The following CAMSAP2 variants were observed in gnomAD, a reference collection of about 807,000 sequenced individuals.
CAMSAP2 encodes the protein calmodulin regulated spectrin associated protein family member 2.
A neutral mutation model predicts 146.1 loss-of-function variants in CAMSAP2; 26 were observed. The ratio of observed to expected loss-of-function variants is 0.18; its 90% confidence interval spans 0.13 to 0.25. CAMSAP2 has a LOEUF of 0.25. CAMSAP2 is among the 10% of genes least tolerant of loss of function. The probability of loss-of-function intolerance (pLI) is 1.00; values close to 1 mark genes in which losing one functional copy is unlikely to be tolerated. For missense variants in CAMSAP2, 1,381 were observed against 1,759.3 expected (o/e 0.78, Z 3.85); for synonymous variants, 499 against 596.6 (o/e 0.84, Z 2.38).
intron 2 of CAMSAP2, among the ~76,000 whole-genome samples, chr1:200,793,726 A>C (rs899647953): frequency 1.3e-5 from 2 of 150,536 alleles, no homozygotes; most frequent in Non-Finnish European, 3.0e-5. Context: ...TTCATCTTTT[A>C]TTTCTTTTTG....
At chr1:200,742,130 CA>C (rs1664196271) in intron 1 of CAMSAP2, among the ~76,000 whole-genome samples, 1 of 152,184 alleles carries the variant, frequency 6.6e-6, no homozygotes, top group Non-Finnish European at 1.5e-5. Context: ...TTAATTTGCA[CA>C]AGATTAAACA....
intron 1 of CAMSAP2, among the ~76,000 whole-genome samples, chr1:200,747,229 A>AG (rs762224178): frequency 3.0e-4 from 46 of 152,074 alleles, no homozygotes; most frequent in Non-Finnish European, 5.9e-4. Flanking sequence ...GAGCGTATGG[A>AG]GAAAGAAAGG....
At chr1:200,803,953 G>T (rs1309664050) in intron 2 of CAMSAP2, among the ~76,000 whole-genome samples, 1 of 150,572 alleles carries the variant, frequency 6.6e-6, no homozygotes, top group African/African-American at 2.4e-5. Context: ...TTGAGACAGA[G>T]TCTTGCTCTG....
intron 1 of CAMSAP2, among the ~76,000 whole-genome samples, chr1:200,756,636 A>G (rs374759454): frequency 3.3e-5 from 5 of 152,150 alleles, no homozygotes; most frequent in African/African-American, 1.2e-4. Context: ...TTGCTGTCAC[A>G]GAAATTAAGT....
At chr1:200,742,143 C>G (rs1664196770) in intron 1 of CAMSAP2, among the ~76,000 whole-genome samples, 1 of 152,216 alleles carries the variant, frequency 6.6e-6, no homozygotes, top group Non-Finnish European at 1.5e-5. Flanking sequence ...GATTAAACAT[C>G]TGGCAAGTGA....
rs188860751 is a variant in CAMSAP2 at position 200,742,710 on chromosome 1, C to G, written c.139+2744C>G. ...CAATGACTTACAGGGTCTTCAGGCA[C>G]TGATTTGGTGTTTTCTATTAGAAAC... On this transcript the variant is annotated intron_variant, in intron 1 of 16. Transcript: ENST00000358823. 3.3e-5 allele frequency among the ~76,000 whole-genome samples: 5 copies of G among 152,204 alleles called. No homozygotes were observed. The East Asian group carries it at 9.6e-4, about 29-fold the overall frequency.
At chr1:200,793,582 T>C (rs1665810667) in intron 2 of CAMSAP2, among the ~76,000 whole-genome samples, 1 of 152,196 alleles carries the variant, frequency 6.6e-6, no homozygotes, top group African/African-American at 2.4e-5. Context: ...ATATTACTGA[T>C]GGTAGGACAG....
At chr1:200,775,169 T>C (rs1328476029) in intron 2 of CAMSAP2, among the ~76,000 whole-genome samples, 1 of 152,154 alleles carries the variant, frequency 6.6e-6, no homozygotes, top group Non-Finnish European at 1.5e-5. Context: ...CCTAAATACC[T>C]GAAGGAACTG....
chr1:200,836,877 G>A (rs561356411), intron 6 of CAMSAP2, among the ~76,000 whole-genome samples: 10 of 152,018 alleles, frequency 6.6e-5, no homozygotes, highest in South Asian at 4.2e-4. Flanking sequence ...CTTGTTGGCC[G>A]CGTGTATGTC....
chr1:200,818,479 C>T (rs774760673), intron 4 of CAMSAP2, among the ~76,000 whole-genome samples: 3 of 152,162 alleles, frequency 2.0e-5, no homozygotes, highest in Non-Finnish European at 4.4e-5. Context: ...TTAGTATACA[C>T]TTGTAGTTTA....
intron 11 of CAMSAP2, among the ~76,000 whole-genome samples, chr1:200,850,964 C>G (rs369894684): frequency 8.5e-5 from 13 of 152,186 alleles, no homozygotes; most frequent in African/African-American, 2.7e-4. Flanking sequence ...TTTTGTCTAG[C>G]TTCTTCCCCA....
chr1:200,838,874 T>A (rs1194489640), intron 6 of CAMSAP2, among the ~76,000 whole-genome samples: 1 of 152,174 alleles, frequency 6.6e-6, no homozygotes, highest in East Asian at 1.9e-4. Flanking sequence ...GGATGCAAAA[T>A]CTGCATGCTT....
At chr1:200,756,787 T>G (rs1167191172) in intron 1 of CAMSAP2, among the ~76,000 whole-genome samples, 1 of 152,196 alleles carries the variant, frequency 6.6e-6, no homozygotes, top group Non-Finnish European at 1.5e-5. Context: ...ACTAGAATTT[T>G]TTTTAATAAC....
At position 200,848,903 on chromosome 1, in the gene CAMSAP2, A is replaced by G; in HGVS notation, c.2134A>G (p.Thr712Ala). The change falls in exon 11 of 17, where the codon ACT becomes GCT. Residue 712 changes from threonine (T) to alanine (A), a missense_variant. Physicochemically the swap from Thr to Ala is moderately conservative, Grantham distance 58 (BLOSUM62 0). Coordinates refer to ENST00000358823, the MANE Select transcript of CAMSAP2 (RefSeq NM_203459.4). ...AAGTAGTGGAAGCAGTTCTCAAAAA[A>G]CTACACCAGAAGGCTCTGAACTTAA... The part of the protein sequence containing the change: ...GKSSGSSSQK[T>A]TPEGSELNIP... 6.2e-7 allele frequency: 1 copy of G among 1,614,152 alleles called. No individual in the cohort carries two copies. The highest frequency in any genetic ancestry group is 8.5e-7 in the Non-Finnish European group (1 of 1,180,014).
Position 200,832,611 on chromosome 1 carries a change from C to T in CAMSAP2, c.788-95C>T. The T allele has an allele frequency of 9.4e-7, 1 of 1,064,576 alleles. No individual in the cohort carries two copies. The highest frequency in any genetic ancestry group is 2.7e-5 in the East Asian group (1 of 37,564). 65.9% of individuals were successfully genotyped at this position (1,064,576 alleles called of 1,614,324 possible). On this transcript the variant is annotated intron_variant, in intron 5 of 16. Transcript: ENST00000358823. This position sits in a 1 kb window ranked among gnomAD's most constrained non-coding sequence, Gnocchi z 4.2. ...TATTTATAAATGTATGTTTGTTAACCAGAATTGTGTATTTGTACTAATTAC... is the reference window on the plus strand; with the variant it reads ...TATTTATAAATGTATGTTTGTTAACTAGAATTGTGTATTTGTACTAATTAC...
intron 4 of CAMSAP2, among the ~76,000 whole-genome samples, chr1:200,818,486 T>A (rs926755311): frequency 6.6e-6 from 1 of 152,188 alleles, no homozygotes; most frequent in Non-Finnish European, 1.5e-5. Flanking sequence ...ACACTTGTAG[T>A]TTAGCACATA....
intron 11 of CAMSAP2, 90 bp downstream of exon 11, chr1:200,850,324 T>G (rs1667588665): frequency 2.7e-6 from 3 of 1,110,490 alleles, no homozygotes; most frequent in African/African-American, 1.6e-5. Context: ...CATGCTTGCT[T>G]CTTTCAGTAG....
chr1:200,856,169 ACT>A, intron 15 of CAMSAP2, 44 bp downstream of exon 15: 1 of 1,380,526 alleles, frequency 7.2e-7, no homozygotes, highest in Non-Finnish European at 1.0e-6. Context: ...AATTTAACAC[ACT>A]CATAAATGGA....
chr1:200,813,021 G>A (rs1335343482), intron 3 of CAMSAP2, among the ~76,000 whole-genome samples: 1 of 152,126 alleles, frequency 6.6e-6, no homozygotes, highest in Non-Finnish European at 1.5e-5. Context: ...TAAAGAAATT[G>A]TCTTAGTCTG....
Sources: allele counts gnomAD v4.1 joint callset (sites outside exome capture counted in the v4.1 genomes callset), GRCh38; gene constraint gnomAD v4.1.1; non-coding constraint Gnocchi (gnomAD v3.1); transcripts MANE v1.5; gene names NCBI Gene and HGNC (gene_info 2026-07-23, HGNC 2026-07-21).